RAI2: variants seen among roughly 807,000 people sequenced by gnomAD.
RAI2 encodes the protein retinoic acid induced 2.
A neutral mutation model predicts 15.3 loss-of-function variants in RAI2; 5 were observed. That is an observed-to-expected ratio of 0.33 (90% CI 0.17 to 0.69). The LOEUF (loss-of-function observed/expected upper bound fraction) is 0.69. RAI2 is among the 30% of genes least tolerant of loss of function. The pLI is 0.69. For synonymous variants in RAI2, 191 were observed against 184.0 expected, an observed-to-expected ratio of 1.04 and a Z score of -0.31; for missense variants, 424 against 424.7, an observed-to-expected ratio of 1.00 and a Z score of 0.01.
chrX:17,800,325 A>C lies in RAI2; in HGVS notation c.*93T>G. ...CCATTTCCCAACTACTCCCCAAAAT[A>C]ATTAACAAAGATAATTTGTTTTAAA... On this transcript the variant is annotated 3_prime_UTR_variant, in exon 2 of 2. Coordinates refer to ENST00000451717, the MANE Select transcript of RAI2 (RefSeq NM_021785.6). 1 of 1,071,052 alleles carries C rather than the reference A, an allele frequency of 9.3e-7. No homozygotes were observed. Among genetic ancestry groups the C allele is most frequent in the Non-Finnish European group, 1.2e-6 (1 of 810,801 alleles). 88.3% of individuals were successfully genotyped at this position (1,071,052 alleles called of 1,213,427 possible). A position where few individuals can be genotyped will look rare whatever the true frequency, so the allele number is the denominator to read the frequency against.
intron 1 of RAI2, among the ~76,000 whole-genome samples, chrX:17,843,701 G>C (rs924463972): frequency 8.9e-6 from 1 of 111,892 alleles, no homozygotes; most frequent in East Asian, 2.8e-4. Context: ...AGAAAAAATA[G>C]AAGCTATGAT....
chrX:17,842,188 G>T (rs1191807612), intron 1 of RAI2, among the ~76,000 whole-genome samples: 1 of 111,176 alleles, frequency 9.0e-6, no homozygotes, highest in African/African-American at 3.3e-5. Context: ...TGGCCCCTTT[G>T]ACTCTAAAGG....
intron 1 of RAI2, among the ~76,000 whole-genome samples, chrX:17,841,567 G>A (rs180811444): frequency 3.0e-4 from 34 of 112,576 alleles, no homozygotes; most frequent in African/African-American, 1.0e-3. Context: ...GTGTGTGGTC[G>A]AGATAGGGAC....
chrX:17,834,280 A>G (rs2067311208), intron 1 of RAI2, among the ~76,000 whole-genome samples: 1 of 111,179 alleles, frequency 9.0e-6, no homozygotes, highest in African/African-American at 3.3e-5. Flanking sequence ...CCTCTAAGAA[A>G]TTCTGGATAC....
chrX:17,821,866 C>T (rs1418488077), intron 1 of RAI2, among the ~76,000 whole-genome samples: 1 of 110,337 alleles, frequency 9.1e-6, no homozygotes, highest in African/African-American at 3.3e-5. Flanking sequence ...CCACAAAATG[C>T]CTCCAAGCAG....
chrX:17,854,331 G>T (rs1236883608), intron 1 of RAI2, among the ~76,000 whole-genome samples: 2 of 111,996 alleles, frequency 1.8e-5, no homozygotes, highest in Non-Finnish European at 3.8e-5. Context: ...TGTGCATACG[G>T]GGGTGGGGAG....
At position 17,801,345 on chromosome X, in the gene RAI2, G is replaced by T. The variant is rs772122101; in HGVS notation, c.666C>A (p.Ser222=). 1.7e-6 allele frequency: 2 copies of T among 1,158,145 alleles called. No individual in the cohort carries two copies. Among genetic ancestry groups the T allele is most frequent in the South Asian group, 4.1e-5 (2 of 48,623 alleles). ...VPPQPFSSPL[S]PLVPPATLLV... is the part of the protein sequence containing the mutation. The stretch of plus-strand genomic sequence containing the variant: ...AGAGGGTGGCTGGTGGGACCAGGGG[G>T]GACAAGGGGGAGCTAAAAGGCTGTG... The change falls in exon 2 of 2, where the codon TCC becomes TCA. Residue 222 remains serine (S), a synonymous_variant. Coordinates refer to ENST00000451717, the MANE Select transcript of RAI2 (RefSeq NM_021785.6).
chrX:17,840,513 TA>T (rs1185341321), intron 1 of RAI2, among the ~76,000 whole-genome samples: 12 of 107,185 alleles, frequency 1.1e-4, no homozygotes, highest in East Asian at 8.7e-4. Context: ...ATCGGCTGCT[TA>T]AAAAAAAAAC....
At chrX:17,854,326 A>G (rs2067572330) in intron 1 of RAI2, among the ~76,000 whole-genome samples, 1 of 112,174 alleles carries the variant, frequency 8.9e-6, no homozygotes, top group South Asian at 3.7e-4. Context: ...CTGGTTGTGC[A>G]TACGGGGGTG....
chrX:17,836,214 C>T (rs1438738906), intron 1 of RAI2, among the ~76,000 whole-genome samples: 1 of 111,494 alleles, frequency 9.0e-6, no homozygotes, highest in Non-Finnish European at 1.9e-5. Flanking sequence ...AAGCTGTCTG[C>T]CCTCATTGTA....
intron 1 of RAI2, among the ~76,000 whole-genome samples, chrX:17,805,917 C>A (rs1036699953): frequency 9.0e-6 from 1 of 111,499 alleles, no homozygotes; most frequent in African/African-American, 3.3e-5. Context: ...ATGCACCCTC[C>A]CACCTCCCAG....
intron 1 of RAI2, among the ~76,000 whole-genome samples, chrX:17,816,902 A>C (rs1445353434): frequency 9.0e-6 from 1 of 110,894 alleles, no homozygotes; most frequent in Non-Finnish European, 1.9e-5. Context: ...GATCCTACAA[A>C]GCTTCCTTCC....
chrX:17,857,482 T>C (rs1249919714), intron 1 of RAI2, among the ~76,000 whole-genome samples: 1 of 112,068 alleles, frequency 8.9e-6, no homozygotes, highest in Admixed American at 9.4e-5. Context: ...ACCCAGCCTT[T>C]GGTCCCTCGT....
chrX:17,837,305 G>A (rs1402251610), intron 1 of RAI2, among the ~76,000 whole-genome samples: 2 of 112,073 alleles, frequency 1.8e-5, no homozygotes, highest in East Asian at 5.6e-4. Flanking sequence ...GCAGGTGCAA[G>A]CCTGTTTGTT....
At chrX:17,802,993 G>A (rs1340021417) in intron 1 of RAI2, among the ~76,000 whole-genome samples, 1 of 111,562 alleles carries the variant, frequency 9.0e-6, no homozygotes, top group Admixed American at 9.5e-5. Flanking sequence ...CATGGAGAAG[G>A]CAGGCACCAT....
At chrX:17,812,289 A>T (rs747863875) in intron 1 of RAI2, among the ~76,000 whole-genome samples, 3 of 111,759 alleles carry the variant, frequency 2.7e-5, no homozygotes, top group Non-Finnish European at 5.6e-5. Flanking sequence ...TTGTTCAAAG[A>T]TTCATGTAAA....
chrX:17,858,533 G>C (rs1230613537), intron 1 of RAI2, among the ~76,000 whole-genome samples: 1 of 112,208 alleles, frequency 8.9e-6, no homozygotes, highest in Non-Finnish European at 1.9e-5. Flanking sequence ...TCTCCATTCT[G>C]GATCAATGGA....
intron 1 of RAI2, among the ~76,000 whole-genome samples, chrX:17,845,546 C>T (rs774309278): frequency 8.9e-6 from 1 of 112,552 alleles, no homozygotes; most frequent in Admixed American, 9.4e-5. Flanking sequence ...CTTCCTACTC[C>T]AAGCTCTCCA....
intron 1 of RAI2, among the ~76,000 whole-genome samples, chrX:17,844,031 T>G (rs1294294773): frequency 1.8e-5 from 2 of 112,071 alleles, no homozygotes; most frequent in Non-Finnish European, 3.8e-5. Context: ...ACTGACAGCT[T>G]GGCGAGTATT....
Sources: gnomAD v4.1 joint callset for allele counts (sites outside exome capture counted in the v4.1 genomes callset) on GRCh38, gnomAD v4.1.1 for gene constraint, MANE v1.5 for transcripts, NCBI Gene and HGNC (gene_info 2026-07-23, HGNC 2026-07-21) for gene names.